ADGRA3: variants seen among roughly 807,000 people sequenced by gnomAD.
ADGRA3 encodes G-protein coupled receptor 125.
Under a neutral mutation model 119.8 loss-of-function variants are expected in ADGRA3, and 56 were observed. The observed-to-expected ratio is 0.47, with a 90% CI of 0.38 to 0.58. The LOEUF is 0.58. Among genes scored for constraint, ADGRA3 ranks in the 20% least tolerant of loss-of-function variants. ADGRA3 has a pLI of 0.00. For synonymous variants in ADGRA3, 607 were observed against 623.8 expected, an observed-to-expected ratio of 0.97 and a Z score of 0.40; for missense variants, 1,516 against 1,649.0, an observed-to-expected ratio of 0.92 and a Z score of 1.40.
chr4:22,500,626 A>C (rs1004962618), intron 1 of ADGRA3, among the ~76,000 whole-genome samples: 1 of 152,180 alleles, frequency 6.6e-6, no homozygotes, highest in African/African-American at 2.4e-5. Context: ...CTCTCCTTTA[A>C]AAAAGCAAGA....
chr4:22,392,685 C>G lies in ADGRA3; in HGVS notation c.2487G>C (p.Gly829=). The G allele has an allele frequency of 6.2e-7, 1 of 1,610,206 alleles. No individual in the cohort carries two copies. The change falls in exon 17 of 19, where the codon GGG becomes GGC. Residue 829 remains glycine, a synonymous_variant. Transcript: ENST00000334304. Reference sequence around the variant, plus strand: ...CAAGGGTGGAATAGTGAAGAATTATCCCAACCTACAAGGAAGATCAAAGAA... The same window carrying G: ...CAAGGGTGGAATAGTGAAGAATTATGCCAACCTACAAGGAAGATCAAAGAA... ...TRNASICQAV[G]IILHYSTLAT...
At chr4:22,423,119 C>A (rs1433476577) in intron 11 of ADGRA3, among the ~76,000 whole-genome samples, 1 of 151,614 alleles carries the variant, frequency 6.6e-6, no homozygotes, top group Non-Finnish European at 1.5e-5. Context: ...TGCTTGAACA[C>A]GGGTGGCGGA....
At chr4:22,440,115 G>A (rs971594646) in intron 7 of ADGRA3, among the ~76,000 whole-genome samples, 6 of 152,046 alleles carry the variant, frequency 3.9e-5, no homozygotes, top group African/African-American at 1.2e-4. Context: ...ACTTTTACAC[G>A]TAGCACTTGC....
intron 3 of ADGRA3, among the ~76,000 whole-genome samples, chr4:22,457,088 G>C (rs1399143057): frequency 1.3e-5 from 2 of 152,054 alleles, no homozygotes; most frequent in African/African-American, 4.8e-5. Context: ...TTGATTCTCT[G>C]GGAAACAATT....
At chr4:22,400,355 T>G (rs1329791623) in intron 16 of ADGRA3, among the ~76,000 whole-genome samples, 1 of 152,124 alleles carries the variant, frequency 6.6e-6, no homozygotes, top group Non-Finnish European at 1.5e-5. Context: ...AATGGAATAT[T>G]ATTCAGCCAT....
chr4:22,416,479 A>C (rs2109028012), intron 12 of ADGRA3, among the ~76,000 whole-genome samples: 1 of 152,298 alleles, frequency 6.6e-6, no homozygotes, highest in South Asian at 2.1e-4. Context: ...GACTTTGTTT[A>C]ACCTCTCTGA....
chr4:22,501,507 A>G (rs930582092), intron 1 of ADGRA3, among the ~76,000 whole-genome samples: 1 of 152,136 alleles, frequency 6.6e-6, no homozygotes, highest in African/African-American at 2.4e-5. Flanking sequence ...AAAGAGCAAG[A>G]AAGAACCTGA....
At chr4:22,451,238 T>C (rs969321369) in intron 4 of ADGRA3, among the ~76,000 whole-genome samples, 1 of 152,066 alleles carries the variant, frequency 6.6e-6, no homozygotes, top group Non-Finnish European at 1.5e-5. Flanking sequence ...GGTATAACTC[T>C]TGAGGAAAAA....
intron 3 of ADGRA3, among the ~76,000 whole-genome samples, chr4:22,458,951 C>T (rs1717345209): frequency 6.6e-6 from 1 of 152,104 alleles, no homozygotes; most frequent in African/African-American, 2.4e-5. Context: ...ACCACTCACC[C>T]CCAGCAAAAA....
rs771817943 is a variant in ADGRA3 at position 22,413,646 on chromosome 4, C to T, written c.1978G>A (p.Gly660Arg). The T allele has an allele frequency of 6.2e-7, 1 of 1,613,946 alleles. No individual in the cohort carries two copies. The highest frequency in any genetic ancestry group is 1.1e-5 in the South Asian group (1 of 91,068). The change falls in exon 13 of 19, where the codon GGA becomes AGA. Residue 660 changes from glycine (G) to arginine (R), a missense_variant. Transcript: ENST00000334304. ...GGGGTAACCACAGTACGTCGTTTTC[C>T]ATCATCAGCCAAATTTGTTGAATTT... is the stretch of plus-strand genomic sequence containing the variant. ...TGNSTNLADD[G>R]KRRTVVTPVI...
chr4:22,466,588 G>A (rs896181234), intron 2 of ADGRA3, among the ~76,000 whole-genome samples: 3 of 152,208 alleles, frequency 2.0e-5, no homozygotes, highest in South Asian at 2.1e-4. Flanking sequence ...TTAGCCAGGC[G>A]TGATGGCGCA....
chr4:22,403,473 C>G (rs1271135804), intron 14 of ADGRA3, among the ~76,000 whole-genome samples: 1 of 152,008 alleles, frequency 6.6e-6, no homozygotes. Flanking sequence ...CACAGTGGCT[C>G]GCACCTGTAA....
chr4:22,438,825 T>C (rs1456236988), intron 7 of ADGRA3, among the ~76,000 whole-genome samples: 2 of 152,040 alleles, frequency 1.3e-5, no homozygotes, highest in Non-Finnish European at 2.9e-5. Flanking sequence ...AAACCCTGTC[T>C]ACACTAAAAA....
At chr4:22,413,919 A>C (rs1050345313) in intron 12 of ADGRA3, 105 bp from the exon 13 acceptor site, 3 of 699,744 alleles carry the variant, frequency 4.3e-6, no homozygotes, top group Non-Finnish European at 4.5e-6. Context: ...GGTTGACTTC[A>C]TTTTTTAAAT....
chr4:22,402,756 A>C lies in ADGRA3; in HGVS notation c.2276T>G (p.Leu759Arg), dbSNP rs757212411. The change falls in exon 15 of 19, where the codon CTG (leucine) becomes CGG (arginine). Residue 759 changes from leucine to arginine, a missense_variant. Leu to Arg is a moderately radical substitution (Grantham distance 102). Transcript: ENST00000334304. ...AGCGGTAGTATAAACCACAGGATGCAGGAGGCTGGCCGCCTGGGTGTATAG... is the reference window on the plus strand; with the variant it reads ...AGCGGTAGTATAAACCACAGGATGCCGGAGGCTGGCCGCCTGGGTGTATAG... Reference protein sequence around the residue: ...SELYTQAASLLHPVVYTTAII... With the variant: ...SELYTQAASLRHPVVYTTAII... The C allele has an allele frequency of 2.9e-5, 46 of 1,613,794 alleles. No individual in the cohort carries two copies. Among genetic ancestry groups the C allele is most frequent in the Non-Finnish European group, 3.8e-5 (45 of 1,179,842 alleles).
At position 22,480,303 on chromosome 4, in the gene ADGRA3, CTT is replaced by C. The variant is rs1718222321; in HGVS notation, c.258-6462_258-6461del. On this transcript the variant is annotated intron_variant, in intron 1 of 18. Transcript: ENST00000334304. Reference sequence around the variant, plus strand: ...AATTAAAACGAGATGTCACAAATAACTTTTCACAGTGGGGGAAAAATGTGATC... The same window carrying C: ...AATTAAAACGAGATGTCACAAATAACTTCACAGTGGGGGAAAAATGTGATC... 2.0e-5 allele frequency among the ~76,000 whole-genome samples: 3 copies of C among 152,194 alleles called. No individual in the cohort carries two copies. In the South Asian group the frequency reaches 6.2e-4, roughly 32 times the overall value.
intron 4 of ADGRA3, among the ~76,000 whole-genome samples, chr4:22,454,131 G>A (rs144542647): frequency 3.5e-4 from 54 of 152,198 alleles, no homozygotes; most frequent in African/African-American, 1.2e-3. Context: ...AAAGTGCTGG[G>A]ATTACAGGCG....
At chr4:22,501,552 T>C (rs926306518) in intron 1 of ADGRA3, among the ~76,000 whole-genome samples, 1 of 151,988 alleles carries the variant, frequency 6.6e-6, no homozygotes, top group Non-Finnish European at 1.5e-5. Flanking sequence ...CAAAACTCTC[T>C]TACCAGTCAC....
intron 16 of ADGRA3, among the ~76,000 whole-genome samples, chr4:22,395,656 C>T (rs563314400): frequency 2.0e-5 from 3 of 152,282 alleles, no homozygotes; most frequent in South Asian, 2.1e-4. Context: ...AGTACTAAAG[C>T]AGAGTGATGG....
Sources: gnomAD v4.1 joint callset for allele counts (sites outside exome capture counted in the v4.1 genomes callset) on GRCh38, gnomAD v4.1.1 for gene constraint, MANE v1.5 for transcripts, NCBI Gene and HGNC (gene_info 2026-07-23, HGNC 2026-07-21) for gene names.